Variants in CASS4 observed in about 807,000 individuals in gnomAD.
CASS4 encodes the protein cas scaffolding protein family member 4.
In CASS4, 22 loss-of-function variants were observed where a neutral mutation model predicts 54.2. That is an observed-to-expected ratio of 0.41 (90% confidence interval 0.29 to 0.58). The LOEUF (loss-of-function observed/expected upper bound fraction) is 0.58, where lower values mean the gene tolerates loss of function less well. Ranked by LOEUF, CASS4 falls within the 20% of genes least tolerant of loss-of-function variation. CASS4 has a pLI of 0.36. For synonymous variants in CASS4, 409 were observed against 391.5 expected, an observed-to-expected ratio of 1.04 and a Z score of -0.53; for missense variants, 854 against 986.7, an observed-to-expected ratio of 0.87 and a Z score of 1.80.
In CASS4 at chr20:56,458,508, C is replaced by T; in HGVS notation, c.2122C>T (p.Leu708=). 6.2e-7 allele frequency: 1 copy of T among 1,614,210 alleles called. No homozygotes were observed. The highest frequency in any genetic ancestry group is 2.2e-5 in the East Asian group (1 of 44,886). Residue 708 remains leucine, a synonymous_variant, in exon 6 of 6, where the codon CTG becomes TTG. Coordinates refer to ENST00000679887, the MANE Select transcript of CASS4 (RefSeq NM_020356.4). The part of the protein sequence containing the change: ...QPAEIITQSK[L]VIMVGQKLVD... ...CGCGGAGATCATCACTCAGAGCAAG[C>T]TGGTCATCATGGTGGGACAGAAGCT...
In CASS4 at chr20:56,412,785, G is replaced by A. The variant is rs1569129280; in HGVS notation, c.36+291G>A. 1.3e-5 allele frequency among the ~76,000 whole-genome samples: 2 copies of A among 152,158 alleles called. No individual in the cohort carries two copies. The highest frequency in any genetic ancestry group is 2.9e-5 in the Non-Finnish European group (2 of 68,026). ...GTCCAGCAAACTCCTGAAGCAAGAT[G>A]CGAGTCTGCCTCAGCCCCCGCTAAT... On this transcript the variant is annotated intron_variant, in intron 1 of 5. Coordinates refer to ENST00000679887, the MANE Select transcript of CASS4 (RefSeq NM_020356.4). The surrounding 1 kb of genome is among the most constrained non-coding windows in gnomAD (Gnocchi z 4.2).
intron 1 of CASS4, among the ~76,000 whole-genome samples, chr20:56,428,180 G>C (rs1479811633): frequency 6.6e-6 from 1 of 152,178 alleles, no homozygotes; most frequent in East Asian, 1.9e-4. Context: ...AGTTACTACT[G>C]TTTTAATTTT....
At chr20:56,450,727 C>T in intron 4 of CASS4, 48 bp downstream of exon 4, 1 of 1,568,390 alleles carries the variant, frequency 6.4e-7, no homozygotes, top group Non-Finnish European at 8.8e-7. Context: ...CACACAAAAT[C>T]CTCTCAGAAA....
At chr20:56,434,800 A>G (rs545305223) in intron 1 of CASS4, among the ~76,000 whole-genome samples, 1 of 152,232 alleles carries the variant, frequency 6.6e-6, no homozygotes, top group East Asian at 1.9e-4. Context: ...TGTGTTTCAT[A>G]TTATGCCATT....
intron 1 of CASS4, among the ~76,000 whole-genome samples, chr20:56,426,338 A>G (rs1378707114): frequency 1.3e-5 from 2 of 152,136 alleles, no homozygotes; most frequent in African/African-American, 2.4e-5. Flanking sequence ...ATCAGTGCTG[A>G]CTGCTTATCC....
intron 1 of CASS4, among the ~76,000 whole-genome samples, chr20:56,434,119 T>C (rs1376312228): frequency 6.6e-6 from 1 of 152,182 alleles, no homozygotes; most frequent in African/African-American, 2.4e-5. Flanking sequence ...CTGTGCAGTC[T>C]CATTCACCGT....
At position 56,437,512 on chromosome 20, in the gene CASS4, C is replaced by T; in HGVS notation, c.385C>T (p.Gln129Ter). 1 of 1,593,044 alleles carries T rather than the reference C, an allele frequency of 6.3e-7. No homozygotes were observed. Among genetic ancestry groups the T allele is most frequent in the Non-Finnish European group, 8.5e-7 (1 of 1,169,904 alleles). Residue 129 changes from glutamine to a stop codon, truncating the protein, a stop_gained, in exon 2 of 6, where the codon CAA becomes TAA. Transcript: ENST00000679887. LOFTEE classifies it high-confidence loss of function. This position sits in a 1 kb window ranked among gnomAD's most constrained non-coding sequence, Gnocchi z 4.7. ...WAEGPQPPTA[Q>*]VYEFPDPPTS... is the part of the protein sequence containing the mutation. ...GGAGGGGCCCCAGCCCCCTACTGCC[C>T]AAGTCTATGAATTCCCCGACCCTCC... is the stretch of plus-strand genomic sequence containing the variant.
chr20:56,430,251 C>T lies in CASS4; in HGVS notation c.37-6913C>T, dbSNP rs1979841101. 1.3e-5 allele frequency among the ~76,000 whole-genome samples: 2 copies of T among 152,212 alleles called. No homozygotes were observed. Among genetic ancestry groups the T allele is most frequent in the South Asian group, 4.1e-4 (2 of 4,830 alleles). ...TCATCAGCATGAAGGCAGTGAGTCT[C>T]TTATTCTTCACGTTTGTTTCCCTAT... On this transcript the variant is annotated intron_variant, in intron 1 of 5. Coordinates refer to ENST00000679887, the MANE Select transcript of CASS4 (RefSeq NM_020356.4). This position sits in a 1 kb window ranked among gnomAD's most constrained non-coding sequence, Gnocchi z 4.2.
At chr20:56,420,862 G>T (rs990250993) in intron 1 of CASS4, among the ~76,000 whole-genome samples, 1 of 152,114 alleles carries the variant, frequency 6.6e-6, no homozygotes, top group African/African-American at 2.4e-5. Context: ...AGACATTCTC[G>T]GTAAGCCCCC....
Position 56,412,350 on chromosome 20 carries a change from AT to A in CASS4, c.-107del, listed in dbSNP as rs1226868662. The A allele has an allele frequency of 8.4e-7, 1 of 1,190,138 alleles. No homozygotes were observed. The highest frequency in any genetic ancestry group is 2.0e-4 in the Middle Eastern group (1 of 4,906). The allele number at this position is 1,190,138 out of a possible 1,614,324, so 73.7% of individuals were successfully genotyped here. On this transcript the variant is annotated 5_prime_UTR_variant, in exon 1 of 6. Transcript: ENST00000679887. The surrounding 1 kb of genome is among the most constrained non-coding windows in gnomAD (Gnocchi z 4.2). ...ATGTGTTGTCAGATAGCTCCATAGA[AT>A]TCAGTTTCTGAGAACCAGCCAGAAG...
At position 56,452,919 on chromosome 20, in the gene CASS4, T is replaced by C. The variant is rs1284148706; in HGVS notation, c.1743T>C (p.Ile581=). Residue 581 remains isoleucine (I), a synonymous_variant, in exon 5 of 6, where the codon ATT becomes ATC. Coordinates refer to ENST00000679887, the MANE Select transcript of CASS4 (RefSeq NM_020356.4). ...TCAAGAGGTTTGCCTCCATTGTCAT[T>C]GCCAATGGAAGGCTCCTTTTTAAGC... ...EDIKRFASIV[I]ANGRLLFKRN... 11 of 1,613,976 alleles carry C rather than the reference T, an allele frequency of 6.8e-6. No individual in the cohort carries two copies. The highest frequency in any genetic ancestry group is 9.3e-6 in the Non-Finnish European group (11 of 1,180,040).
chr20:56,454,959 A>AAATGCTTC (rs1981220895), intron 5 of CASS4, among the ~76,000 whole-genome samples: 1 of 152,184 alleles, frequency 6.6e-6, no homozygotes, highest in Non-Finnish European at 1.5e-5. Context: ...ACCATTACTG[A>AAATGCTTC]AATGACTGTA....
At chr20:56,441,156 AT>A (rs1286256412) in intron 2 of CASS4, among the ~76,000 whole-genome samples, 3 of 147,662 alleles carry the variant, frequency 2.0e-5, no homozygotes, top group African/African-American at 5.2e-5. Flanking sequence ...GCCTGGCTAA[AT>A]TTTTTTTGTA....
chr20:56,420,101 G>A (rs1260640932), intron 1 of CASS4, among the ~76,000 whole-genome samples: 1 of 152,148 alleles, frequency 6.6e-6, no homozygotes, highest in Non-Finnish European at 1.5e-5. Flanking sequence ...CTGTGAAAAA[G>A]TTATTCACAG....
At position 56,452,962 on chromosome 20, in the gene CASS4, G is replaced by A. The variant is rs754186572; in HGVS notation, c.1786G>A (p.Glu596Lys). Reference sequence around the variant, plus strand: ...TTTTAAGCGGAACTGTGAAAAGGAAGAGACTGTGCAGTTGACCCCAAATGC... The same window carrying A: ...TTTTAAGCGGAACTGTGAAAAGGAAAAGACTGTGCAGTTGACCCCAAATGC... ...LLFKRNCEKE[E>K]TVQLTPNAEF... The change falls in exon 5 of 6, where the codon GAG becomes AAG. Residue 596 changes from glutamate to lysine, a missense_variant. Transcript: ENST00000679887. 1.9e-6 allele frequency: 3 copies of A among 1,614,088 alleles called. No individual in the cohort carries two copies. The highest frequency in any genetic ancestry group is 2.5e-6 in the Non-Finnish European group (3 of 1,180,030).
chr20:56,450,062 G>A (rs771136601), intron 3 of CASS4, among the ~76,000 whole-genome samples: 1 of 148,388 alleles, frequency 6.7e-6, no homozygotes, highest in East Asian at 2.0e-4. Flanking sequence ...ATGGAGTTTC[G>A]CTCCCGTTGC....
chr20:56,426,585 T>G (rs1488179257), intron 1 of CASS4, among the ~76,000 whole-genome samples: 1 of 150,922 alleles, frequency 6.6e-6, no homozygotes, highest in East Asian at 2.0e-4. Flanking sequence ...CGCCTCCCCC[T>G]CCCCCGCCAA....
At chr20:56,440,517 G>A (rs1980405033) in intron 2 of CASS4, among the ~76,000 whole-genome samples, 1 of 152,158 alleles carries the variant, frequency 6.6e-6, no homozygotes, top group Non-Finnish European at 1.5e-5. Context: ...GGCAAGGCTG[G>A]CACCTCCTCC....
intron 2 of CASS4, among the ~76,000 whole-genome samples, chr20:56,444,253 G>A (rs1288388147): frequency 6.6e-6 from 1 of 152,170 alleles, no homozygotes; most frequent in Non-Finnish European, 1.5e-5. Context: ...CCCTGACCCA[G>A]TCCTCAGAAA....
Sources: allele counts gnomAD v4.1 joint callset (sites outside exome capture counted in the v4.1 genomes callset), GRCh38; gene constraint gnomAD v4.1.1; non-coding constraint Gnocchi (gnomAD v3.1); transcripts MANE v1.5; gene names NCBI Gene and HGNC (gene_info 2026-07-23, HGNC 2026-07-21).